The following POU2F1 variants were observed in gnomAD, a reference collection of about 807,000 sequenced individuals.
The protein encoded by POU2F1 is POU class 2 homeobox 1.
POU2F1 carries 16 observed loss-of-function variants against 84.9 expected under a neutral mutation model. The observed-to-expected ratio is 0.19, with a 90% CI of 0.13 to 0.29. POU2F1 has a LOEUF of 0.29. POU2F1 is among the 10% of genes least tolerant of loss of function. The probability of loss-of-function intolerance (pLI) is 1.00; values close to 1 mark genes in which losing one functional copy is unlikely to be tolerated. For missense variants in POU2F1, 738 were observed against 942.6 expected, an observed-to-expected ratio of 0.78 and a Z score of 2.84; for synonymous variants, 368 against 368.3, an observed-to-expected ratio of 1.00 and a Z score of 0.01.
At chr1:167,326,566 G>A (rs998926097) in intron 1 of POU2F1, among the ~76,000 whole-genome samples, 5 of 152,172 alleles carry the variant, frequency 3.3e-5, no homozygotes, top group African/African-American at 1.2e-4. Context: ...GTGGTAGAAA[G>A]GGACTTTTCT....
chr1:167,357,363 CCCCCA>C (rs1659018457), intron 2 of POU2F1: 3 of 7,038 alleles, frequency 4.3e-4, no homozygotes, highest in Non-Finnish European at 9.3e-4. Context: ...CACGCCTCCC[CCCCCA>C]CCCCCCCCCC....
chr1:167,224,748 TTATAACCTGCC>T (rs1216443562), intron 1 of POU2F1, among the ~76,000 whole-genome samples: 5 of 152,112 alleles, frequency 3.3e-5, no homozygotes, highest in Non-Finnish European at 7.4e-5. Flanking sequence ...CCACATGAGT[TTATAACCTGCC>T]TGTCTCCTTT....
At chr1:167,378,402 ATTTT>A (rs71572454) in intron 7 of POU2F1, among the ~76,000 whole-genome samples, 2 of 108,424 alleles carry the variant, frequency 1.8e-5, no homozygotes, top group Non-Finnish European at 3.8e-5. Context: ...TGCCCAGCTA[ATTTT>A]TTTTTTTTTT....
In POU2F1 at chr1:167,358,737, T is replaced by TTTTTTTTTTTTTTTTCTTTTTTTTTTTTG. The variant is rs71097670; in HGVS notation, c.128-6730_128-6729insTTTTTTTTTTTTTTTCTTTTTTTTTTTTG. 2.3e-5 allele frequency among the ~76,000 whole-genome samples: 2 copies of TTTTTTTTTTTTTTTTCTTTTTTTTTTTTG among 88,774 alleles called. 1 individual carries two copies. Among genetic ancestry groups the TTTTTTTTTTTTTTTTCTTTTTTTTTTTTG allele is most frequent in the Non-Finnish European group, 4.5e-5 (2 of 44,896 alleles). The allele number at this position is 88,774 out of a possible 152,430, so 58.2% of individuals were successfully genotyped here. On this transcript the variant is annotated intron_variant, in intron 2 of 15. Transcript: ENST00000367866. ...GCAGCTTTTTTTTTTTTTTTTTTTT[T>TTTTTTTTTTTTTTTTCTTTTTTTTTTTTG]GAGACAGGTTCTGACTGTGCTGCTC...
chr1:167,230,295 A>AC (rs1168278204), intron 1 of POU2F1, among the ~76,000 whole-genome samples: 2 of 152,274 alleles, frequency 1.3e-5, no homozygotes, highest in Admixed American at 6.5e-5. Flanking sequence ...GAAAAAAGGT[A>AC]CTGGGGGGTT....
rs1443280193 is a variant in POU2F1, at chr1:167,396,433, T to C, written c.1129+6T>C. 6.2e-7 allele frequency: 1 copy of C among 1,612,898 alleles called. No individual in the cohort carries two copies. On this transcript the variant is annotated splice_donor_region_variant and intron_variant, in intron 10 of 15. Coordinates refer to ENST00000367866, the MANE Select transcript of POU2F1 (RefSeq NM_002697.4). ...GAAGTGGCTAAATGATGCAGGTAAG[T>C]GACTGTATAAGACATTTCTTTGTCA...
At chr1:167,409,960 G>C (rs1421265495) in intron 13 of POU2F1, among the ~76,000 whole-genome samples, 1 of 152,110 alleles carries the variant, frequency 6.6e-6, no homozygotes, top group Non-Finnish European at 1.5e-5. Flanking sequence ...ATGTGACAGG[G>C]GGCATGTCTT....
At chr1:167,365,592 A>G (rs751629223) in intron 3 of POU2F1, 25 bp downstream of exon 3, 3 of 1,522,896 alleles carry the variant, frequency 2.0e-6, no homozygotes, top group African/African-American at 1.4e-5. Flanking sequence ...CTCAACCATC[A>G]GTGAGAGTGA....
At chr1:167,348,838 T>G (rs1450918728) in intron 2 of POU2F1, among the ~76,000 whole-genome samples, 6 of 152,184 alleles carry the variant, frequency 3.9e-5, no homozygotes, top group African/African-American at 1.4e-4. Context: ...TCTTTGTACC[T>G]TTCTAAGAGC....
chr1:167,412,404 A>T, intron 14 of POU2F1, 100 bp downstream of exon 14: 1 of 679,458 alleles, frequency 1.5e-6, no homozygotes, highest in East Asian at 3.4e-5. Flanking sequence ...GGGGAAAAAA[A>T]TGTCTTTAAA....
chr1:167,358,710 C>A (rs1659139370), intron 2 of POU2F1, among the ~76,000 whole-genome samples: 1 of 51,200 alleles, frequency 2.0e-5, no homozygotes, highest in East Asian at 9.9e-4. Flanking sequence ...TTTTTATTAT[C>A]TGCAGCTTTT....
At chr1:167,391,893 C>T (rs1200724496) in intron 9 of POU2F1, among the ~76,000 whole-genome samples, 6 of 151,908 alleles carry the variant, frequency 3.9e-5, no homozygotes, top group Non-Finnish European at 5.9e-5. Flanking sequence ...CATTTTTGCT[C>T]AAAGAAATCA....
intron 1 of POU2F1, among the ~76,000 whole-genome samples, chr1:167,258,827 A>G (rs1261842198): frequency 1.3e-5 from 2 of 152,266 alleles, no homozygotes; most frequent in East Asian, 3.8e-4. Context: ...TGAGAAGAAT[A>G]GAATTATTTG....
chr1:167,390,649 G>A (rs1270712916), intron 9 of POU2F1, among the ~76,000 whole-genome samples: 1 of 151,976 alleles, frequency 6.6e-6, no homozygotes, highest in East Asian at 1.9e-4. Context: ...AATTTAACTG[G>A]GTGTGGTGAC....
At chr1:167,398,689 T>C (rs1479062583) in intron 11 of POU2F1, among the ~76,000 whole-genome samples, 1 of 152,174 alleles carries the variant, frequency 6.6e-6, no homozygotes, top group Non-Finnish European at 1.5e-5. Flanking sequence ...TTAAGAAAAT[T>C]TTGACTTCTC....
At chr1:167,399,162 G>T (rs377511992) in intron 11 of POU2F1, 24 bp from the exon 12 acceptor site, 22 of 1,578,924 alleles carry the variant, frequency 1.4e-5, no homozygotes, top group South Asian at 2.3e-5. Flanking sequence ...ATAGCTTTTG[G>T]AATTACATCT....
intron 9 of POU2F1, among the ~76,000 whole-genome samples, chr1:167,394,515 G>A (rs1175397664): frequency 6.6e-6 from 1 of 152,164 alleles, no homozygotes; most frequent in Non-Finnish European, 1.5e-5. Context: ...ATTCAGAACT[G>A]TCATTAAAAC....
intron 1 of POU2F1, among the ~76,000 whole-genome samples, chr1:167,236,355 C>A (rs1480089478): frequency 6.6e-6 from 1 of 152,152 alleles, no homozygotes. Context: ...CCTGCCTTGG[C>A]CTCCCAAAGT....
In POU2F1 at chr1:167,421,690, T is replaced by A. The variant is rs1282138429; in HGVS notation, c.*5880T>A. On this transcript the variant is annotated 3_prime_UTR_variant, in exon 16 of 16. Transcript: ENST00000367866. ...ACCTTAATTTGGGTAACAGCTAGCT[T>A]CTGGCACCTTCATAAAATACCTCAG... 1 of 152,176 alleles carries A rather than the reference T, an allele frequency of 6.6e-6. No individual in the cohort carries two copies. The highest frequency in any genetic ancestry group is 1.5e-5 in the Non-Finnish European group (1 of 68,030). The allele number at this position is 152,176 out of a possible 1,614,324, so 9.4% of individuals were successfully genotyped here.
Sources: allele counts gnomAD v4.1 joint callset (sites outside exome capture counted in the v4.1 genomes callset), GRCh38; gene constraint gnomAD v4.1.1; transcripts MANE v1.5; gene names NCBI Gene and HGNC (gene_info 2026-07-23, HGNC 2026-07-21).